BMP5: variants seen among roughly 807,000 people sequenced by gnomAD.
The protein encoded by BMP5 is bone morphogenetic protein 5.
Under a neutral mutation model 46.6 loss-of-function variants are expected in BMP5, and 23 were observed. The ratio of observed to expected loss-of-function variants is 0.49; its 90% CI spans 0.35 to 0.70. BMP5 has a LOEUF of 0.70. BMP5 is among the 30% of genes least tolerant of loss of function. The probability of loss-of-function intolerance (pLI) is 0.00; values close to 1 mark genes in which losing one functional copy is unlikely to be tolerated. For missense variants in BMP5, 545 were observed against 565.6 expected (o/e 0.96, Z 0.37); for synonymous variants, 204 against 191.9 (o/e 1.06, Z -0.52).
At chr6:55,833,790 A>C (rs1776719137) in intron 1 of BMP5, among the ~76,000 whole-genome samples, 1 of 152,208 alleles carries the variant, frequency 6.6e-6, no homozygotes, top group Admixed American at 6.5e-5. Context: ...CTTCTTACCC[A>C]AAATCATGCA....
Position 55,874,416 on chromosome 6 carries a change from A to G in BMP5, c.450T>C (p.Phe150=). ...PPLASLHDTN[F]LNDADMVMSF... ...TCATGACCATGTCAGCATCATTCAGAAAGTTGGTATCATGGAGGCTGGCTA... is the reference window on the plus strand; with the variant it reads ...TCATGACCATGTCAGCATCATTCAGGAAGTTGGTATCATGGAGGCTGGCTA... Residue 150 remains phenylalanine (F), a synonymous_variant, in exon 1 of 7, where the codon TTT becomes TTC. Coordinates refer to ENST00000370830, the MANE Select transcript of BMP5 (RefSeq NM_021073.4). 1 of 1,613,206 alleles carries G rather than the reference A, an allele frequency of 6.2e-7. No homozygotes were observed. Among genetic ancestry groups the G allele is most frequent in the Middle Eastern group, 1.7e-4 (1 of 6,050 alleles).
chr6:55,793,770 C>T (rs1775631162), intron 3 of BMP5, among the ~76,000 whole-genome samples: 1 of 152,098 alleles, frequency 6.6e-6, no homozygotes, highest in South Asian at 2.1e-4. Context: ...TCATTCCATC[C>T]CCATCTCCTC....
intron 2 of BMP5, among the ~76,000 whole-genome samples, chr6:55,806,718 A>T (rs985424566): frequency 6.6e-6 from 1 of 151,954 alleles, no homozygotes; most frequent in Non-Finnish European, 1.5e-5. Flanking sequence ...ATGTTTTTCC[A>T]TTTGTTTGTG....
At chr6:55,765,326 C>T (rs989215188) in intron 4 of BMP5, among the ~76,000 whole-genome samples, 2 of 152,000 alleles carry the variant, frequency 1.3e-5, no homozygotes, top group African/African-American at 4.8e-5. Flanking sequence ...TAAAACTTAA[C>T]ATTTAACCAT....
intron 3 of BMP5, among the ~76,000 whole-genome samples, chr6:55,793,490 G>GTGGC (rs1775622686): frequency 6.6e-6 from 1 of 152,290 alleles, no homozygotes; most frequent in East Asian, 1.9e-4. Context: ...ATCTCACCAA[G>GTGGC]TGGCTCTTTT....
intron 1 of BMP5, among the ~76,000 whole-genome samples, chr6:55,831,130 GCTAGGGTTATATCTT>G (rs1324539469): frequency 6.6e-6 from 1 of 152,074 alleles, no homozygotes; most frequent in East Asian, 1.9e-4. Flanking sequence ...GATGTCGACA[GCTAGGGTTATATCTT>G]CTAGGCAAGA....
chr6:55,819,985 C>G, intron 1 of BMP5, 138 bp from the exon 2 acceptor site: 1 of 753,604 alleles, frequency 1.3e-6, no homozygotes. Context: ...AAACCACAAA[C>G]TGAAACGTGT....
chr6:55,842,144 T>C (rs1267002405), intron 1 of BMP5, among the ~76,000 whole-genome samples: 1 of 152,200 alleles, frequency 6.6e-6, no homozygotes, highest in Non-Finnish European at 1.5e-5. Flanking sequence ...TTGAGGTTTG[T>C]TCTGGAAGAC....
chr6:55,758,048 T>C (rs1009670500), intron 6 of BMP5, among the ~76,000 whole-genome samples: 3 of 151,874 alleles, frequency 2.0e-5, no homozygotes, highest in Admixed American at 2.0e-4. Context: ...TAAGAGTAAT[T>C]CTTTCTTTTT....
At chr6:55,811,083 T>C (rs1197637073) in intron 2 of BMP5, among the ~76,000 whole-genome samples, 1 of 152,148 alleles carries the variant, frequency 6.6e-6, no homozygotes, top group Non-Finnish European at 1.5e-5. Context: ...TAATCTCCCA[T>C]CTGAGTGTCC....
chr6:55,801,767 G>A (rs1421187718), intron 2 of BMP5, among the ~76,000 whole-genome samples: 1 of 152,172 alleles, frequency 6.6e-6, no homozygotes, highest in African/African-American at 2.4e-5. Flanking sequence ...ATATGAATCT[G>A]TCTTCTTTGT....
intron 1 of BMP5, 106 bp from the exon 2 acceptor site, chr6:55,819,953 G>C (rs1776369692): frequency 1.9e-6 from 2 of 1,032,996 alleles, no homozygotes; most frequent in East Asian, 2.6e-5. Flanking sequence ...AAGCAGGATA[G>C]TATAAAACTG....
chr6:55,839,105 T>C (rs1211678014), intron 1 of BMP5, among the ~76,000 whole-genome samples: 6 of 152,158 alleles, frequency 3.9e-5, no homozygotes, highest in African/African-American at 1.4e-4. Flanking sequence ...TAAGTATTAA[T>C]ATTATATCAT....
chr6:55,824,148 CTT>C (rs1776475394), intron 1 of BMP5, among the ~76,000 whole-genome samples: 1 of 151,886 alleles, frequency 6.6e-6, no homozygotes, highest in Admixed American at 6.6e-5. Flanking sequence ...TAAGAAAGAT[CTT>C]TGTCTTATTC....
chr6:55,855,348 G>T (rs1777365669), intron 1 of BMP5, among the ~76,000 whole-genome samples: 1 of 151,722 alleles, frequency 6.6e-6, no homozygotes, highest in Non-Finnish European at 1.5e-5. Flanking sequence ...TGGTGCCACT[G>T]CATTCCAGCC....
intron 2 of BMP5, among the ~76,000 whole-genome samples, chr6:55,814,345 T>C (rs1776206312): frequency 6.6e-6 from 1 of 152,194 alleles, no homozygotes; most frequent in South Asian, 2.1e-4. Flanking sequence ...TATGAAGTTA[T>C]ATGAAAATAT....
chr6:55,819,635 G>T lies in BMP5; in HGVS notation c.683+20C>A. ...TTACATATATTTGCCAGGATAATAA[G>T]TTAAATAAAAAGATTATACCTATTT... is the stretch of plus-strand genomic sequence containing the variant. On this transcript the variant is annotated intron_variant, in intron 2 of 6. Transcript: ENST00000370830. 6.4e-7 allele frequency: 1 copy of T among 1,574,484 alleles called. No individual in the cohort carries two copies. Among genetic ancestry groups the T allele is most frequent in the Non-Finnish European group, 8.7e-7 (1 of 1,145,796 alleles).
intron 1 of BMP5, among the ~76,000 whole-genome samples, chr6:55,821,809 G>A (rs1776416034): frequency 6.6e-6 from 1 of 152,102 alleles, no homozygotes; most frequent in Non-Finnish European, 1.5e-5. Context: ...TGGAAGTCTA[G>A]GGGAAGAAAA....
chr6:55,785,843 G>A (rs1347064274), intron 3 of BMP5, among the ~76,000 whole-genome samples: 1 of 151,554 alleles, frequency 6.6e-6, no homozygotes, highest in Admixed American at 6.6e-5. Context: ...GATAAAAGTA[G>A]AAGGCACTCT....
Sources: allele counts gnomAD v4.1 joint callset (sites outside exome capture counted in the v4.1 genomes callset), GRCh38; gene constraint gnomAD v4.1.1; transcripts MANE v1.5; gene names NCBI Gene and HGNC (gene_info 2026-07-23, HGNC 2026-07-21).